Variants in DIP2A observed in about 807,000 individuals in gnomAD.
DIP2A encodes the protein DIP2 acetate--CoA ligase A, also known as disco-interacting protein 2 homolog A.
In DIP2A, 85 loss-of-function variants were observed where a neutral mutation model predicts 177.4. The ratio of observed to expected loss-of-function variants is 0.48; its 90% CI spans 0.40 to 0.57. The LOEUF is 0.57. Ranked by LOEUF, DIP2A falls within the 20% of genes least tolerant of loss-of-function variation. The pLI, the probability that DIP2A is intolerant of heterozygous loss-of-function variation, is 0.00. For synonymous variants in DIP2A, 886 were observed against 881.8 expected (o/e 1.00, Z -0.08); for missense variants, 1,791 against 2,100.2 (o/e 0.85, Z 2.88).
chr21:46,567,143 G>T (rs1418696733), intron 37 of DIP2A, among the ~76,000 whole-genome samples: 1 of 152,186 alleles, frequency 6.6e-6, no homozygotes, highest in Non-Finnish European at 1.5e-5. Flanking sequence ...GTTGGGACAG[G>T]TACAGCTTTC....
chr21:46,489,613 A>G (rs2056892699), intron 2 of DIP2A, among the ~76,000 whole-genome samples: 1 of 152,166 alleles, frequency 6.6e-6, no homozygotes, highest in South Asian at 2.1e-4. Context: ...TGGGGCAGTC[A>G]CTGACCTGCC....
chr21:46,493,858 T>G (rs1311442187), intron 3 of DIP2A, among the ~76,000 whole-genome samples: 1 of 152,214 alleles, frequency 6.6e-6, no homozygotes, highest in African/African-American at 2.4e-5. Context: ...CATCATTGTA[T>G]TATAGCTCCC....
At position 46,498,748 on chromosome 21, in the gene DIP2A, A is replaced by G. The variant is rs1017064377; in HGVS notation, c.570A>G (p.Arg190=). The change falls in exon 5 of 38, where the codon AGA becomes AGG. Residue 190 remains arginine, a synonymous_variant. Coordinates refer to ENST00000417564, the MANE Select transcript of DIP2A (RefSeq NM_015151.4). The surrounding 1 kb of genome is among the most constrained non-coding windows in gnomAD (Gnocchi z 4.3). ...CCACCTCATCTCACCCGGGAGGGAGACCCACCACTGCTCCCAGTGCTGCAG... is the reference window on the plus strand; with the variant it reads ...CCACCTCATCTCACCCGGGAGGGAGGCCCACCACTGCTCCCAGTGCTGCAG... The part of the protein sequence containing the change: ...ASSTSSHPGG[R]PTTAPSAAAT... 6.2e-7 allele frequency: 1 copy of G among 1,613,296 alleles called. No homozygotes were observed. Among genetic ancestry groups the G allele is most frequent in the Non-Finnish European group, 8.5e-7 (1 of 1,179,796 alleles).
At chr21:46,487,867 A>G (rs1457618819) in intron 2 of DIP2A, among the ~76,000 whole-genome samples, 2 of 152,228 alleles carry the variant, frequency 1.3e-5, no homozygotes. Flanking sequence ...AATACATCCT[A>G]TAAAACTGGC....
intron 8 of DIP2A, among the ~76,000 whole-genome samples, chr21:46,512,637 TTTA>T (rs1164392236): frequency 0.15 from 33 of 226 alleles, no homozygotes; most frequent in African/African-American, 0.29. Context: ...ATCTTTCTTT[TTTA>T]TTTTTTTTCT....
chr21:46,533,488 G>A, intron 10 of DIP2A, 36 bp from the exon 11 acceptor site: 1 of 1,602,370 alleles, frequency 6.2e-7, no homozygotes, highest in African/African-American at 1.3e-5. Context: ...GCTGCTGTGA[G>A]CACCCCACCC....
intron 24 of DIP2A, 32 bp downstream of exon 24, chr21:46,551,775 G>C (rs1438366175): frequency 6.2e-7 from 1 of 1,613,476 alleles, no homozygotes; most frequent in Admixed American, 1.7e-5. Flanking sequence ...CGGGTGGACG[G>C]GTGTCTGTGC....
chr21:46,479,960 C>T (rs1008145791), intron 1 of DIP2A, among the ~76,000 whole-genome samples: 6 of 152,042 alleles, frequency 3.9e-5, no homozygotes, highest in Admixed American at 2.0e-4. Flanking sequence ...ATATTAAGAA[C>T]GACTGTTACC....
intron 1 of DIP2A, among the ~76,000 whole-genome samples, chr21:46,477,604 T>C (rs2056007495): frequency 6.9e-6 from 1 of 144,926 alleles, no homozygotes; most frequent in African/African-American, 2.6e-5. Flanking sequence ...GTCAGAGTCT[T>C]GTCCTGTCGC....
chr21:46,583,255 A>G, the DIP2A span, among the ~76,000 whole-genome samples: 7 of 152,232 alleles, frequency 4.6e-5, no homozygotes, highest in African/African-American at 1.7e-4. Context: ...CACACAACTG[A>G]CAGAAATAAG....
chr21:46,508,377 G>C (rs1446759972), intron 6 of DIP2A, among the ~76,000 whole-genome samples: 1 of 22,750 alleles, frequency 4.4e-5, no homozygotes, highest in Non-Finnish European at 9.8e-5. Context: ...TTTTTTTTTT[G>C]AGAAGAAGTC....
chr21:46,493,230 G>A (rs1365980048), intron 3 of DIP2A, among the ~76,000 whole-genome samples: 5 of 152,128 alleles, frequency 3.3e-5, no homozygotes, highest in African/African-American at 1.2e-4. Flanking sequence ...CTTGTGCTTG[G>A]GGTTTGTTGA....
intron 21 of DIP2A, among the ~76,000 whole-genome samples, chr21:46,548,298 T>C (rs2060142282): frequency 6.6e-6 from 1 of 152,066 alleles, no homozygotes; most frequent in Non-Finnish European, 1.5e-5. Context: ...TGGGCAGGTG[T>C]CCTTAGGGAT....
chr21:46,498,692 C>T lies in DIP2A; in HGVS notation c.514C>T (p.Gln172Ter). ...SVEPWLDRVI[Q>*]GSSTSSSASS... ...CGAGCCCTGGCTCGACCGGGTCATT[C>T]AGGGCTCGTCCACCTCATCCTCTGC... Residue 172 changes from glutamine to a stop codon, truncating the protein, a stop_gained, in exon 5 of 38, where the codon CAG becomes TAG. Transcript: ENST00000417564. LOFTEE classifies it high-confidence loss of function. The surrounding 1 kb of genome is among the most constrained non-coding windows in gnomAD (Gnocchi z 4.3). 1 of 1,613,898 alleles carries T rather than the reference C, an allele frequency of 6.2e-7. No individual in the cohort carries two copies. The highest frequency in any genetic ancestry group is 8.5e-7 in the Non-Finnish European group (1 of 1,179,888).
At chr21:46,580,586 T>C in the DIP2A span, among the ~76,000 whole-genome samples, 1 of 152,198 alleles carries the variant, frequency 6.6e-6, no homozygotes. Context: ...CTGGTAATAG[T>C]TTTTCCTTTC....
At position 46,498,603 on chromosome 21, in the gene DIP2A, A is replaced by G; in HGVS notation, c.425A>G (p.Asp142Gly). The part of the protein sequence containing the change: ...TPPDTSSASE[D>G]EGSLRRPGRL... The stretch of plus-strand genomic sequence containing the variant: ...ACAGACACGTCGTCTGCCTCAGAAG[A>G]TGAGGGCTCTTTACGGCGACCCGGG... Residue 142 changes from aspartate (D) to glycine (G), a missense_variant, in exon 5 of 38, where the codon GAT (aspartate) becomes GGT (glycine). Coordinates refer to ENST00000417564, the MANE Select transcript of DIP2A (RefSeq NM_015151.4). The surrounding 1 kb of genome is among the most constrained non-coding windows in gnomAD (Gnocchi z 4.3). The G allele has an allele frequency of 1.9e-6, 3 of 1,610,796 alleles. No individual in the cohort carries two copies. Among genetic ancestry groups the G allele is most frequent in the East Asian group, 2.2e-5 (1 of 44,796 alleles).
chr21:46,548,843 A>C (rs1467531776), intron 21 of DIP2A, among the ~76,000 whole-genome samples: 2 of 152,192 alleles, frequency 1.3e-5, no homozygotes, highest in African/African-American at 4.8e-5. Context: ...GCTTATCTGT[A>C]TTCTCACCAT....
chr21:46,546,155 A>G (rs2060029679), intron 20 of DIP2A, 194 bp downstream of exon 20: 1 of 1,398,394 alleles, frequency 7.2e-7, no homozygotes, highest in Non-Finnish European at 9.3e-7. Flanking sequence ...ACTGGTGCAC[A>G]GTCCTGCACA....
chr21:46,503,628 CTTTCTTTCCTTT>C (rs1239883643), intron 5 of DIP2A, among the ~76,000 whole-genome samples: 1 of 123,680 alleles, frequency 8.1e-6, no homozygotes, highest in Middle Eastern at 3.6e-3. Flanking sequence ...TTCTTTCTTT[CTTTCTTTCCTTT>C]CTTTCTTTCT....
Sources: gnomAD v4.1 joint callset for allele counts (sites outside exome capture counted in the v4.1 genomes callset) on GRCh38, gnomAD v4.1.1 for gene constraint, Gnocchi (gnomAD v3.1) non-coding constraint, MANE v1.5 for transcripts, NCBI Gene and HGNC (gene_info 2026-07-23, HGNC 2026-07-21) for gene names.